The following ITGB6 variants were observed in gnomAD, a reference collection of about 807,000 sequenced individuals.
ITGB6 encodes the protein integrin beta-6.
In ITGB6, 80 loss-of-function variants were observed where a neutral mutation model predicts 84.5. The ratio of observed to expected loss-of-function variants is 0.95; its 90% CI spans 0.79 to 1.14. ITGB6 has a LOEUF of 1.14. ITGB6 is among the 50% of genes most tolerant of loss of function. The pLI, the probability that ITGB6 is intolerant of heterozygous loss-of-function variation, is 0.00. For missense variants in ITGB6, 1,006 were observed against 968.0 expected, an observed-to-expected ratio of 1.04 and a Z score of -0.52; for synonymous variants, 383 against 354.9, an observed-to-expected ratio of 1.08 and a Z score of -0.89.
At chr2:160,164,588 C>A (rs1002334949) in intron 7 of ITGB6, among the ~76,000 whole-genome samples, 1 of 151,888 alleles carries the variant, frequency 6.6e-6, no homozygotes, top group Non-Finnish European at 1.5e-5. Flanking sequence ...CCTAGCTACT[C>A]GGGAGGCTAG....
chr2:160,197,124 G>A (rs1686373193), intron 2 of ITGB6, among the ~76,000 whole-genome samples: 1 of 152,030 alleles, frequency 6.6e-6, no homozygotes, highest in Admixed American at 6.6e-5. Flanking sequence ...TGAAAGTGAG[G>A]AAGAAAAGTG....
chr2:160,144,663 C>A (rs1684125739), intron 7 of ITGB6, among the ~76,000 whole-genome samples: 1 of 152,224 alleles, frequency 6.6e-6, no homozygotes, highest in South Asian at 2.1e-4. Flanking sequence ...AACCCCAGGA[C>A]TGAGGTGTCA....
intron 7 of ITGB6, among the ~76,000 whole-genome samples, chr2:160,142,508 A>C (rs1684037446): frequency 6.6e-6 from 1 of 152,200 alleles, no homozygotes; most frequent in Non-Finnish European, 1.5e-5. Flanking sequence ...TCGCTCTGTA[A>C]GTCATTCAGT....
chr2:160,168,049 A>C (rs1202254775), intron 7 of ITGB6, among the ~76,000 whole-genome samples: 1 of 152,196 alleles, frequency 6.6e-6, no homozygotes, highest in Non-Finnish European at 1.5e-5. Flanking sequence ...ACATACTAAA[A>C]AGCCTGAAGA....
chr2:160,149,976 T>G (rs1308996534), intron 7 of ITGB6, among the ~76,000 whole-genome samples: 1 of 152,186 alleles, frequency 6.6e-6, no homozygotes, highest in Non-Finnish European at 1.5e-5. Flanking sequence ...CAAATCTATG[T>G]CTGATTGGTG....
At chr2:160,107,624 C>G (rs1440253866) in intron 14 of ITGB6, 55 bp downstream of exon 14, 1 of 1,546,848 alleles carries the variant, frequency 6.5e-7, no homozygotes, top group African/African-American at 1.4e-5. Flanking sequence ...CCCTCAATCT[C>G]TTCCACCAGC....
intron 14 of ITGB6, among the ~76,000 whole-genome samples, chr2:160,105,015 T>C (rs984478226): frequency 8.5e-5 from 13 of 152,278 alleles, no homozygotes; most frequent in East Asian, 1.9e-4. Context: ...CAAGAAGAAA[T>C]AGGTTTTAGG....
At chr2:160,149,742 C>T (rs1047814581) in intron 7 of ITGB6, among the ~76,000 whole-genome samples, 4 of 152,090 alleles carry the variant, frequency 2.6e-5, no homozygotes, top group African/African-American at 9.7e-5. Flanking sequence ...CCAGAATAAA[C>T]AGTGTAGAGA....
chr2:160,135,169 C>T (rs889583347), intron 10 of ITGB6, among the ~76,000 whole-genome samples: 4 of 149,350 alleles, frequency 2.7e-5, no homozygotes, highest in African/African-American at 7.4e-5. Flanking sequence ...CTGTCTCAGC[C>T]CAAAATCTCC....
At chr2:160,166,616 G>C in intron 7 of ITGB6, among the ~76,000 whole-genome samples, 1 of 152,040 alleles carries the variant, frequency 6.6e-6, no homozygotes. Flanking sequence ...TTTAACTTGG[G>C]TAATTGAATC....
chr2:160,131,432 G>A (rs897755550), intron 10 of ITGB6, among the ~76,000 whole-genome samples: 8 of 138,992 alleles, frequency 5.8e-5, no homozygotes, highest in South Asian at 2.3e-4. Flanking sequence ...GTTACAAACT[G>A]GAGATCCACA....
intron 4 of ITGB6, among the ~76,000 whole-genome samples, chr2:160,181,327 G>T (rs1349242008): frequency 6.6e-6 from 1 of 152,172 alleles, no homozygotes; most frequent in East Asian, 1.9e-4. Flanking sequence ...CATTACTGAG[G>T]GTTGAGTAGG....
chr2:160,126,697 T>A, intron 10 of ITGB6, 96 bp from the exon 11 acceptor site: 1 of 1,158,966 alleles, frequency 8.6e-7, no homozygotes, highest in Non-Finnish European at 1.2e-6. Context: ...TTAAGCACCG[T>A]CATCAAAAGA....
chr2:160,146,310 G>T (rs1313171968), intron 7 of ITGB6, among the ~76,000 whole-genome samples: 1 of 152,090 alleles, frequency 6.6e-6, no homozygotes, highest in African/African-American at 2.4e-5. Context: ...TTTTAATAAA[G>T]AATTTGTAAA....
At chr2:160,136,027 T>C (rs1313480636) in intron 10 of ITGB6, among the ~76,000 whole-genome samples, 1 of 152,150 alleles carries the variant, frequency 6.6e-6, no homozygotes, top group Non-Finnish European at 1.5e-5. Context: ...CCAAAAGCAA[T>C]GGCAACAAAA....
intron 4 of ITGB6, among the ~76,000 whole-genome samples, chr2:160,174,861 A>G (rs1685354471): frequency 6.6e-6 from 1 of 152,192 alleles, no homozygotes; most frequent in Non-Finnish European, 1.5e-5. Context: ...TAAAATGCGG[A>G]TAATCGTATA....
intron 12 of ITGB6, among the ~76,000 whole-genome samples, chr2:160,119,830 A>G (rs1342846648): frequency 6.6e-6 from 1 of 152,180 alleles, no homozygotes; most frequent in East Asian, 1.9e-4. Context: ...GAAAAAAACA[A>G]ACAACCCCAT....
Position 160,195,573 on chromosome 2 carries a change from T to C in ITGB6, c.389A>G (p.Asp130Gly), listed in dbSNP as rs770759542. The change falls in exon 4 of 15, where the codon GAC (aspartate) becomes GGC (glycine). Residue 130 changes from aspartate to glycine, a missense_variant. By Grantham distance (94) the Asp-to-Gly change is moderately conservative (BLOSUM62 -1). Transcript: ENST00000283249. ...TLQVHVRQTEDYPVDLYYLMD... is the reference protein window; with the variant it reads ...TLQVHVRQTEGYPVDLYYLMD... Reference sequence around the variant, plus strand: ...GAGGTAATACAAATCCACCGGGTAGTCCTCAGTCTGGCGGACATGCACCTG... The same window carrying C: ...GAGGTAATACAAATCCACCGGGTAGCCCTCAGTCTGGCGGACATGCACCTG... 1 of 1,614,112 alleles carries C rather than the reference T, an allele frequency of 6.2e-7. No homozygotes were observed. Among genetic ancestry groups the C allele is most frequent in the Non-Finnish European group, 8.5e-7 (1 of 1,179,992 alleles).
intron 10 of ITGB6, among the ~76,000 whole-genome samples, chr2:160,132,748 G>T (rs560472292): frequency 6.6e-6 from 1 of 152,158 alleles, no homozygotes; most frequent in East Asian, 1.9e-4. Flanking sequence ...ATAAAAGAAT[G>T]ATTTTACAAT....
Sources: allele counts gnomAD v4.1 joint callset (sites outside exome capture counted in the v4.1 genomes callset), GRCh38; gene constraint gnomAD v4.1.1; transcripts MANE v1.5; gene names NCBI Gene and HGNC (gene_info 2026-07-23, HGNC 2026-07-21).